The following DHX30 variants were observed in gnomAD, a reference collection of about 807,000 sequenced individuals.
DHX30 encodes ATP-dependent RNA helicase DHX30.
A neutral mutation model predicts 116.9 loss-of-function variants in DHX30; 4 were observed. The observed-to-expected ratio is 0.03, with a 90% CI of 0.02 to 0.08. The LOEUF (loss-of-function observed/expected upper bound fraction) is 0.08, where lower values mean the gene tolerates loss of function less well. Ranked by LOEUF, DHX30 falls within the 10% of genes least tolerant of loss-of-function variation. The pLI is 1.00. For synonymous variants in DHX30, 697 were observed against 651.7 expected, an observed-to-expected ratio of 1.07 and a Z score of -1.06; for missense variants, 871 against 1,595.1, an observed-to-expected ratio of 0.55 and a Z score of 7.73.
At chr3:47,810,607 T>C in intron 2 of DHX30, 50 bp from the exon 3 acceptor site, 1 of 1,468,804 alleles carries the variant, frequency 6.8e-7, no homozygotes, top group Non-Finnish European at 9.5e-7. Context: ...CTTTGTGGGT[T>C]GCTGGACCAG....
At chr3:47,815,507 T>C (rs1221847145) in intron 3 of DHX30, among the ~76,000 whole-genome samples, 1 of 152,046 alleles carries the variant, frequency 6.6e-6, no homozygotes, top group African/African-American at 2.4e-5. Context: ...CTATAGCAAT[T>C]CCATGCAGCA....
chr3:47,815,289 C>G, intron 3 of DHX30, among the ~76,000 whole-genome samples: 1 of 152,176 alleles, frequency 6.6e-6, no homozygotes. Context: ...GTGCTCAACC[C>G]TTACTCTTGG....
At chr3:47,845,086 G>C (rs1487469569) in intron 9 of DHX30, among the ~76,000 whole-genome samples, 2 of 152,194 alleles carry the variant, frequency 1.3e-5, no homozygotes, top group East Asian at 3.9e-4. Flanking sequence ...TGTGGTGTTG[G>C]GGGGGCTGTA....
In DHX30 at chr3:47,845,771, G is replaced by A. The variant is rs749516789; in HGVS notation, c.1011G>A (p.Glu337=). The change falls in exon 10 of 22, where the codon GAG becomes GAA. Residue 337 remains glutamate (E), a synonymous_variant. Coordinates refer to ENST00000445061, the MANE Select transcript of DHX30 (RefSeq NM_138615.3). The part of the protein sequence containing the change: ...HAMYNLASLR[E]LGETQRRPCT... Reference sequence around the variant, plus strand: ...TGTATAACCTGGCCTCTTTGCGTGAGCTGGGTGAGACCCAGCGCCGACCAT... The same window carrying A: ...TGTATAACCTGGCCTCTTTGCGTGAACTGGGTGAGACCCAGCGCCGACCAT... The A allele has an allele frequency of 1.6e-5, 26 of 1,612,568 alleles. No individual in the cohort carries two copies. Among genetic ancestry groups the A allele is most frequent in the Non-Finnish European group, 9.3e-6 (11 of 1,178,780 alleles).
intron 4 of DHX30, chr3:47,824,781 C>T: frequency 5.1e-6 from 2 of 392,992 alleles, no homozygotes; most frequent in Non-Finnish European, 8.9e-6. Context: ...ATTCCATCTT[C>T]CTGCCTTCCA....
intron 2 of DHX30, among the ~76,000 whole-genome samples, chr3:47,807,967 G>C (rs932931559): frequency 2.0e-5 from 3 of 151,820 alleles, no homozygotes; most frequent in Non-Finnish European, 4.4e-5. Flanking sequence ...CTGCAGTGCA[G>C]TGGCGCAATC....
chr3:47,841,870 C>A (rs2107113021), intron 8 of DHX30, 133 bp downstream of exon 8: 1 of 1,277,824 alleles, frequency 7.8e-7, no homozygotes, highest in East Asian at 2.3e-5. Flanking sequence ...TGGAGGAACT[C>A]CTGCTTGGGA....
intron 6 of DHX30, among the ~76,000 whole-genome samples, chr3:47,837,512 T>C (rs2037175443): frequency 6.6e-6 from 1 of 152,176 alleles, no homozygotes; most frequent in African/African-American, 2.4e-5. Flanking sequence ...CCTGTAATCC[T>C]AGCACTTTGG....
At position 47,843,101 on chromosome 3, in the gene DHX30, T is replaced by C. The variant is rs762158068; in HGVS notation, c.790-5T>C. On this transcript the variant is annotated splice_region_variant and splice_polypyrimidine_tract_variant and intron_variant, in intron 8 of 21. Transcript: ENST00000445061. ...CTGTAACCATCTCTCTTGCCTTCCATGTAGAACCTCATGCAGTTCCATACT... is the reference window on the plus strand; with the variant it reads ...CTGTAACCATCTCTCTTGCCTTCCACGTAGAACCTCATGCAGTTCCATACT... 34 of 1,614,020 alleles carry C rather than the reference T, an allele frequency of 2.1e-5. No individual in the cohort carries two copies. The highest frequency in any genetic ancestry group is 2.9e-5 in the Non-Finnish European group (34 of 1,179,978).
rs750751488 is a variant in DHX30 at position 47,847,562 on chromosome 3, G to C, written c.2110+26G>C. On this transcript the variant is annotated intron_variant, in intron 13 of 21. Transcript: ENST00000445061. The surrounding 1 kb of genome is among the most constrained non-coding windows in gnomAD (Gnocchi z 5.5). ...GTGAGAGCCCCGGCGGAGGGACCAG[G>C]GACCTTTGGAAACCAGCCTGACCTC... 3 of 1,556,022 alleles carry C rather than the reference G, an allele frequency of 1.9e-6. No homozygotes were observed. The highest frequency in any genetic ancestry group is 8.7e-7 in the Non-Finnish European group (1 of 1,149,554).
At chr3:47,828,470 A>G (rs1039032795) in intron 5 of DHX30, among the ~76,000 whole-genome samples, 1 of 150,562 alleles carries the variant, frequency 6.6e-6, no homozygotes, top group African/African-American at 2.4e-5. Context: ...CCACAAAAAA[A>G]AAAAAAAAAA....
In DHX30 at chr3:47,849,281, G is replaced by A. The variant is rs973769675; in HGVS notation, c.3019G>A (p.Glu1007Lys). 1 of 1,614,132 alleles carries A rather than the reference G, an allele frequency of 6.2e-7. No homozygotes were observed. Among genetic ancestry groups the A allele is most frequent in the Non-Finnish European group, 8.5e-7 (1 of 1,180,026 alleles). The change falls in exon 19 of 22, where the codon GAG becomes AAG. Residue 1007 changes from glutamate to lysine, a missense_variant. Coordinates refer to ENST00000445061, the MANE Select transcript of DHX30 (RefSeq NM_138615.3). ...CACCCTGGCCTCCGCCCAGTGCAAC[G>A]AGTACAGTGAGGAGGAGGAGCTGGT... ...DCTLASAQCNEYSEEEELVKG... is the reference protein window; with the variant it reads ...DCTLASAQCNKYSEEEELVKG...
In DHX30 at chr3:47,846,473, C is replaced by T. The variant is rs771650478; in HGVS notation, c.1401C>T (p.Ile467=). ...CGGGCTGTGGGAAGACCACGCGCAT[C>T]CCCCAGCTGTTGCTGGAGCGCTATG... ...GDTGCGKTTR[I]PQLLLERYVT... The change falls in exon 11 of 22, where the codon ATC becomes ATT. Residue 467 remains isoleucine, a synonymous_variant. Transcript: ENST00000445061. 1 of 1,614,048 alleles carries T rather than the reference C, an allele frequency of 6.2e-7. No homozygotes were observed. Among genetic ancestry groups the T allele is most frequent in the Non-Finnish European group, 8.5e-7 (1 of 1,180,054 alleles).
At chr3:47,824,935 C>T (rs1020195079) in intron 4 of DHX30, 45 of 488,216 alleles carry the variant, frequency 9.2e-5, no homozygotes, top group African/African-American at 8.7e-4. Flanking sequence ...GCTTGGGCTT[C>T]GGGTCCGCCC....
intron 4 of DHX30, 68 bp from the exon 5 acceptor site, chr3:47,827,279 G>A (rs2107024212): frequency 6.6e-7 from 1 of 1,504,656 alleles, no homozygotes; most frequent in Non-Finnish European, 8.9e-7. Flanking sequence ...GGGTTGCCCT[G>A]ATACACACCC....
intron 3 of DHX30, among the ~76,000 whole-genome samples, chr3:47,813,750 G>A (rs1290609102): frequency 6.6e-6 from 1 of 152,136 alleles, no homozygotes; most frequent in Non-Finnish European, 1.5e-5. Context: ...GTGGTGCCCT[G>A]TGTAACCCAT....
chr3:47,836,755 G>A (rs1398410657), intron 6 of DHX30, among the ~76,000 whole-genome samples: 11 of 151,658 alleles, frequency 7.3e-5, no homozygotes, highest in Non-Finnish European at 1.0e-4. Context: ...CTGACCTCGC[G>A]ATCTGCCTGC....
chr3:47,809,762 G>T (rs1036705763), intron 2 of DHX30, among the ~76,000 whole-genome samples: 1 of 152,140 alleles, frequency 6.6e-6, no homozygotes, highest in African/African-American at 2.4e-5. Context: ...GGAGTCAGGA[G>T]CCGGAGTGTT....
In DHX30 at chr3:47,849,030, T is replaced by C. The variant is rs2037805406; in HGVS notation, c.2880T>C (p.Asn960=). Residue 960 remains asparagine, a synonymous_variant, in exon 18 of 22, where the codon AAT becomes AAC. Transcript: ENST00000445061. The stretch of plus-strand genomic sequence containing the variant: ...GGCAGGACCGCAGCTCCCGGGAGAA[T>C]TACCTGGAGGAAAACCTGCTGTACG... The part of the protein sequence containing the change: ...LRWQDRSSRE[N]YLEENLLYAP... 1.9e-6 allele frequency: 3 copies of C among 1,613,166 alleles called. No homozygotes were observed. Among genetic ancestry groups the C allele is most frequent in the African/African-American group, 2.7e-5 (2 of 74,864 alleles).
Sources: gnomAD v4.1 joint callset for allele counts (sites outside exome capture counted in the v4.1 genomes callset) on GRCh38, gnomAD v4.1.1 for gene constraint, Gnocchi (gnomAD v3.1) non-coding constraint, MANE v1.5 for transcripts, NCBI Gene and HGNC (gene_info 2026-07-23, HGNC 2026-07-21) for gene names.